The following EIF4E2 variants were observed in gnomAD, a reference collection of about 807,000 sequenced individuals.
The protein encoded by EIF4E2 is eukaryotic translation initiation factor 4E type 2.
EIF4E2 carries 13 observed loss-of-function variants against 34.2 expected under a neutral mutation model. The ratio of observed to expected loss-of-function variants is 0.38; its 90% confidence interval spans 0.25 to 0.60. The LOEUF is 0.60. Ranked by LOEUF, EIF4E2 falls within the 20% of genes least tolerant of loss-of-function variation. EIF4E2 has a pLI of 0.62. For missense variants in EIF4E2, 222 were observed against 315.1 expected, an observed-to-expected ratio of 0.70 and a Z score of 2.24; for synonymous variants, 100 against 106.6, an observed-to-expected ratio of 0.94 and a Z score of 0.38.
At chr2:232,567,387 C>T (rs555659527) in intron 6 of EIF4E2, 173 bp downstream of exon 6, 122 of 1,425,872 alleles carry the variant, frequency 8.6e-5, no homozygotes, top group Non-Finnish European at 7.2e-5. Context: ...CAGCGAGGCT[C>T]CCTGCCACCT....
intron 1 of EIF4E2, among the ~76,000 whole-genome samples, chr2:232,552,687 TTTTTTTC>T (rs1692385430): frequency 2.0e-5 from 3 of 152,200 alleles, no homozygotes; most frequent in Admixed American, 2.0e-4. Context: ...TTGCCCTCTT[TTTTTTTC>T]TTACCTCTTC....
At chr2:232,574,480 C>T (rs975065320) in intron 6 of EIF4E2, 13 of 858,030 alleles carry the variant, frequency 1.5e-5, no homozygotes, top group Non-Finnish European at 2.2e-5. Context: ...ACTGGATTCT[C>T]ATCCTCCCTG....
At chr2:232,579,522 G>A (rs751653939) in intron 6 of EIF4E2, among the ~76,000 whole-genome samples, 43 of 152,008 alleles carry the variant, frequency 2.8e-4, no homozygotes, top group Admixed American at 2.6e-3. Context: ...TTGTGTAGTC[G>A]GGGGCTGTTG....
rs756415940 is a variant in EIF4E2 at position 232,567,108 on chromosome 2, G to C, written c.559G>C (p.Ala187Pro). The C allele has an allele frequency of 3.1e-6, 5 of 1,614,036 alleles. No homozygotes were observed. The change falls in exon 6 of 7, where the codon GCC becomes CCC. Residue 187 changes from alanine to proline, a missense_variant. This residue lies in a region of EIF4E2 where 105 missense variants were observed against 195.1 expected (regional missense o/e 0.54). Transcript: ENST00000258416. Reference sequence around the variant, plus strand: ...CATTATTTCAATATGGAATAAGACTGCCAGTGACCAAGCAACCACAGCCCG... The same window carrying C: ...CATTATTTCAATATGGAATAAGACTCCCAGTGACCAAGCAACCACAGCCCG... ...EDIISIWNKT[A>P]SDQATTARIR...
chr2:232,578,011 G>A (rs1693262235), intron 6 of EIF4E2, among the ~76,000 whole-genome samples: 1 of 152,174 alleles, frequency 6.6e-6, no homozygotes, highest in African/African-American at 2.4e-5. Flanking sequence ...ATGTGATGGA[G>A]TATCACTTCC....
At chr2:232,561,961 T>C (rs1692741157) in intron 3 of EIF4E2, among the ~76,000 whole-genome samples, 1 of 152,152 alleles carries the variant, frequency 6.6e-6, no homozygotes, top group South Asian at 2.1e-4. Context: ...ATGCCTGTAG[T>C]CCCAGCACTC....
rs913196667 is a variant in EIF4E2 at position 232,566,771 on chromosome 2, A to T, written c.376-58A>T. 6 of 1,600,268 alleles carry T rather than the reference A, an allele frequency of 3.7e-6. No individual in the cohort carries two copies. The highest frequency in any genetic ancestry group is 5.1e-6 in the Non-Finnish European group (6 of 1,172,478). The stretch of plus-strand genomic sequence containing the variant: ...AGATTCTTGGCTTTTTACTGCCTTC[A>T]TACAAAAAAAGGCTGTGAAACCATA... On this transcript the variant is annotated intron_variant, in intron 4 of 6. Transcript: ENST00000258416. This position sits in a 1 kb window ranked among gnomAD's most constrained non-coding sequence, Gnocchi z 4.9.
At chr2:232,574,528 G>A (rs372965222) in intron 6 of EIF4E2, among the ~76,000 whole-genome samples, 1 of 152,166 alleles carries the variant, frequency 6.6e-6, no homozygotes, top group Non-Finnish European at 1.5e-5. Context: ...AGCAGGCTAC[G>A]TCACCTTATT....
At chr2:232,574,716 A>C (rs1693167420) in intron 6 of EIF4E2, among the ~76,000 whole-genome samples, 1 of 152,232 alleles carries the variant, frequency 6.6e-6, no homozygotes, top group South Asian at 2.1e-4. Context: ...GCAGTTCCAC[A>C]GGCCCCAACA....
intron 4 of EIF4E2, 125 bp downstream of exon 4, chr2:232,564,476 G>T: frequency 5.4e-6 from 3 of 552,812 alleles, no homozygotes; most frequent in Non-Finnish European, 9.2e-6. Flanking sequence ...ATTTGAGACG[G>T]AGTGTCGCTC....
chr2:232,566,871 C>A lies in EIF4E2; in HGVS notation c.418C>A (p.Arg140=), dbSNP rs374014488. The change falls in exon 5 of 7, where the codon CGG becomes AGG. Residue 140 remains arginine, a synonymous_variant. Coordinates refer to ENST00000258416, the MANE Select transcript of EIF4E2 (RefSeq NM_004846.4). The surrounding 1 kb of genome is among the most constrained non-coding windows in gnomAD (Gnocchi z 4.9). The stretch of plus-strand genomic sequence containing the variant: ...TGGTGGCAAGTGGATTATTCGGCTG[C>A]GGAAGGGCTTGGCCTCCCGTTGCTG... ...KNGGKWIIRL[R]KGLASRCWEN... 38 of 1,613,876 alleles carry A rather than the reference C, an allele frequency of 2.4e-5. 1 individual carries two copies. Among genetic ancestry groups the A allele is most frequent in the East Asian group, 1.3e-4 (6 of 44,880 alleles).
At chr2:232,583,165 T>TAAAGGTCTACC (rs1693399703) in exon 7 of EIF4E2, 1 of 152,142 alleles carries the variant, frequency 6.6e-6, no homozygotes, top group Non-Finnish European at 1.5e-5. Context: ...GGCAAAGGGA[T>TAAAGGTCTACC]AAAGGTCTAC....
chr2:232,568,268 A>G (rs1693004559), intron 6 of EIF4E2: 1 of 985,282 alleles, frequency 1.0e-6, no homozygotes, highest in Admixed American at 6.1e-5. Context: ...ATGCATTCAT[A>G]GATAATGTGG....
intron 6 of EIF4E2, among the ~76,000 whole-genome samples, chr2:232,579,264 G>T (rs929786287): frequency 5.3e-5 from 8 of 151,944 alleles, no homozygotes; most frequent in South Asian, 2.1e-4. Flanking sequence ...CTTTTGAAAA[G>T]AATTTTTTAA....
At position 232,569,143 on chromosome 2, in the gene EIF4E2, T is replaced by G. The variant is rs1482593223; in HGVS notation, c.*126T>G. The G allele has an allele frequency of 2.7e-6, 4 of 1,494,456 alleles. No homozygotes were observed. The highest frequency in any genetic ancestry group is 2.7e-6 in the Non-Finnish European group (3 of 1,121,712). 92.6% of individuals were successfully genotyped at this position (1,494,456 alleles called of 1,614,324 possible). ...AGGAATTGGAAGAGCATTTTATGTTTTAAGAACAGGCTGACACGCAGCAGC... is the reference window on the plus strand; with the variant it reads ...AGGAATTGGAAGAGCATTTTATGTTGTAAGAACAGGCTGACACGCAGCAGC... On this transcript the variant is annotated 3_prime_UTR_variant, in exon 7 of 7. Transcript: ENST00000258416.
intron 3 of EIF4E2, among the ~76,000 whole-genome samples, chr2:232,562,247 G>A (rs1466935347): frequency 1.3e-5 from 2 of 151,864 alleles, no homozygotes; most frequent in Admixed American, 6.6e-5. Context: ...TGATAGTCTC[G>A]AGCTGTTTAA....
At chr2:232,559,713 G>A (rs1212027963) in intron 3 of EIF4E2, among the ~76,000 whole-genome samples, 1 of 151,744 alleles carries the variant, frequency 6.6e-6, no homozygotes, top group Non-Finnish European at 1.5e-5. Context: ...GGAGGCTGAG[G>A]TGGGAAGATT....
At chr2:232,554,206 TGTTG>T (rs1692439557) in intron 1 of EIF4E2, among the ~76,000 whole-genome samples, 2 of 152,158 alleles carry the variant, frequency 1.3e-5, no homozygotes, top group Non-Finnish European at 2.9e-5. Flanking sequence ...GGTTAGGAAA[TGTTG>T]CCAAGAGAAA....
intron 6 of EIF4E2, chr2:232,574,399 C>A (rs796823593): frequency 6.6e-7 from 1 of 1,516,714 alleles, no homozygotes; most frequent in South Asian, 1.2e-5. Context: ...CCATAGGACC[C>A]CTCTTCCCAT....
Sources: gnomAD v4.1 joint callset for allele counts (sites outside exome capture counted in the v4.1 genomes callset) on GRCh38, gnomAD v4.1.1 for gene constraint, gnomAD v4.1.1 regional missense constraint, Gnocchi (gnomAD v3.1) non-coding constraint, MANE v1.5 for transcripts, NCBI Gene and HGNC (gene_info 2026-07-23, HGNC 2026-07-21) for gene names.